Variants in SLC18A1 observed in about 807,000 individuals in gnomAD.
SLC18A1 encodes the protein chromaffin granule amine transporter.
SLC18A1 carries 69 observed loss-of-function variants against 53.7 expected under a neutral mutation model. The observed-to-expected ratio is 1.28, with a 90% CI of 1.06 to 1.57. The LOEUF is 1.57. SLC18A1 is among the 40% of genes most tolerant of loss of function. SLC18A1 has a pLI of 0.00. For synonymous variants in SLC18A1, 320 were observed against 248.1 expected (o/e 1.29, Z -2.72); for missense variants, 932 against 668.1 (o/e 1.40, Z -4.35).
chr8:20,162,140 C>T (rs999494649), intron 10 of SLC18A1, among the ~76,000 whole-genome samples: 4 of 152,186 alleles, frequency 2.6e-5, no homozygotes, highest in African/African-American at 4.8e-5. Flanking sequence ...TGCACTGAAA[C>T]GCAGAGAGCA....
At chr8:20,151,902 T>G (rs982258837) in intron 10 of SLC18A1, among the ~76,000 whole-genome samples, 2 of 152,166 alleles carry the variant, frequency 1.3e-5, no homozygotes, top group Non-Finnish European at 2.9e-5. Flanking sequence ...ATTCTAGCCC[T>G]CAGCTAGCTT....
intron 12 of SLC18A1, chr8:20,148,476 G>C: frequency 1.6e-6 from 2 of 1,289,148 alleles, no homozygotes; most frequent in Non-Finnish European, 2.0e-6. Flanking sequence ...TTCCATTATG[G>C]ACATCACTGA....
chr8:20,165,068 G>A lies in SLC18A1; in HGVS notation c.898C>T (p.Pro300Ser), dbSNP rs2071922968. 2 of 1,614,122 alleles carry A rather than the reference G, an allele frequency of 1.2e-6. No individual in the cohort carries two copies. The highest frequency in any genetic ancestry group is 1.3e-5 in the African/African-American group (1 of 75,016). Residue 300 changes from proline (P) to serine (S), a missense_variant, in exon 9 of 16, where the codon CCT becomes TCT. Transcript: ENST00000276373. ...GTPLFMLLKDPYILVAAGSIC... is the reference protein window; with the variant it reads ...GTPLFMLLKDSYILVAAGSIC... ...TTACCTGCAGCCACCAGGATGTAAG[G>A]GTCTTTGAGAAGCATAAAGAGGGGA...
At chr8:20,151,582 G>A (rs2071555364) in intron 10 of SLC18A1, among the ~76,000 whole-genome samples, 1 of 152,122 alleles carries the variant, frequency 6.6e-6, no homozygotes, top group Non-Finnish European at 1.5e-5. Flanking sequence ...ATCATACCGG[G>A]TTACAATGTG....
chr8:20,160,255 T>A (rs373823426), intron 10 of SLC18A1, among the ~76,000 whole-genome samples: 1 of 148,304 alleles, frequency 6.7e-6, no homozygotes, highest in Non-Finnish European at 1.5e-5. Context: ...ATTGTTTATC[T>A]AGTATGTGGA....
intron 11 of SLC18A1, 81 bp downstream of exon 11, chr8:20,150,585 T>C (rs1322508913): frequency 1.7e-6 from 2 of 1,197,166 alleles, no homozygotes; most frequent in Non-Finnish European, 2.5e-6. Flanking sequence ...GTATGGAAGC[T>C]GTTCATCATT....
At chr8:20,171,216 A>C in intron 7 of SLC18A1, 70 bp from the exon 8 acceptor site, 1 of 1,502,954 alleles carries the variant, frequency 6.7e-7, no homozygotes. Context: ...TAACAGCTGT[A>C]GTGCTACCAC....
chr8:20,172,586 C>A (rs759512078), intron 6 of SLC18A1, among the ~76,000 whole-genome samples: 1 of 152,152 alleles, frequency 6.6e-6, no homozygotes, highest in South Asian at 2.1e-4. Context: ...GAGTCTGTAT[C>A]CTGGCTGTGG....
rs184387596 is a variant in SLC18A1, at chr8:20,146,265, A to C, written c.1465-389T>G. Among the ~76,000 whole-genome samples, 7 of 152,126 alleles carry C rather than the reference A, an allele frequency of 4.6e-5. No homozygotes were observed. In the East Asian group the frequency reaches 1.4e-3, roughly 30 times the overall value. ...AATCTCCTCATTCCGTCCTCCCACT[A>C]GTTCTTCCAAGGCTGGCATTGCTAA... is the stretch of plus-strand genomic sequence containing the variant. On this transcript the variant is annotated intron_variant, in intron 15 of 15. Transcript: ENST00000276373.
intron 4 of SLC18A1, among the ~76,000 whole-genome samples, chr8:20,174,782 C>A (rs1480080714): frequency 3.3e-5 from 5 of 152,178 alleles, no homozygotes; most frequent in Non-Finnish European, 7.3e-5. Context: ...AGGCTGGAAA[C>A]TGGTTCTTAG....
intron 8 of SLC18A1, 126 bp downstream of exon 8, chr8:20,170,977 A>T (rs980735993): frequency 2.5e-5 from 22 of 877,534 alleles, no homozygotes; most frequent in Non-Finnish European, 3.5e-5. Flanking sequence ...GAATCCAAAC[A>T]CAGTTCTCAC....
intron 8 of SLC18A1, among the ~76,000 whole-genome samples, chr8:20,166,061 A>G (rs1321847650): frequency 6.6e-6 from 1 of 152,120 alleles, no homozygotes; most frequent in East Asian, 1.9e-4. Context: ...GATGTAAATC[A>G]TTAAAATATA....
At chr8:20,157,591 G>A (rs2071715126) in intron 10 of SLC18A1, among the ~76,000 whole-genome samples, 1 of 152,196 alleles carries the variant, frequency 6.6e-6, no homozygotes, top group Non-Finnish European at 1.5e-5. Flanking sequence ...GAGACACTAA[G>A]GGAGGCATTG....
Position 20,145,738 on chromosome 8 carries a change from T to C in SLC18A1, c.*25A>G. On this transcript the variant is annotated 3_prime_UTR_variant, in exon 16 of 16. Coordinates refer to ENST00000276373, the MANE Select transcript of SLC18A1 (RefSeq NM_003053.4). The stretch of plus-strand genomic sequence containing the variant: ...GAAAGAGGTGGTCACTGAGGCATCA[T>C]GAATTCAAGGAGCACCTTCTGCTGC... The C allele has an allele frequency of 6.7e-7, 1 of 1,491,650 alleles. No individual in the cohort carries two copies. Among genetic ancestry groups the C allele is most frequent in the Non-Finnish European group, 9.3e-7 (1 of 1,076,658 alleles). The allele number at this position is 1,491,650 out of a possible 1,614,324, so 92.4% of individuals were successfully genotyped here.
chr8:20,158,421 A>G (rs1330847755), intron 10 of SLC18A1, among the ~76,000 whole-genome samples: 5 of 152,192 alleles, frequency 3.3e-5, no homozygotes, highest in Admixed American at 2.0e-4. Flanking sequence ...TACAGAAGGA[A>G]CACCTGTTTG....
In SLC18A1 at chr8:20,179,428, G is replaced by A. The variant is rs1181284522; in HGVS notation, c.181C>T (p.Leu61=). The change falls in exon 3 of 16, where the codon CTG becomes TTG. Residue 61 remains leucine (L), a synonymous_variant. Coordinates refer to ENST00000276373, the MANE Select transcript of SLC18A1 (RefSeq NM_003053.4). The part of the protein sequence containing the change: ...DMEFKEVNSS[L]HLGHAGSSPH... ...GAACTTCCGGCATGGCCGAGGTGCA[G>A]AGAAGAGTTGACTTCTTTGAACTCC... 3.7e-6 allele frequency: 6 copies of A among 1,613,864 alleles called. No homozygotes were observed. In the Admixed American group the frequency reaches 5.0e-5, roughly 13 times the overall value.
At chr8:20,152,663 G>A (rs2071587418) in intron 10 of SLC18A1, among the ~76,000 whole-genome samples, 1 of 152,186 alleles carries the variant, frequency 6.6e-6, no homozygotes. Context: ...AGAGCTGTCA[G>A]GCAGTTAGAT....
chr8:20,180,912 G>T lies in SLC18A1; in HGVS notation c.53C>A (p.Ala18Glu), dbSNP rs148102118. ...APQRLLKEGRASRQLVLVVVF... is the reference protein window; with the variant it reads ...APQRLLKEGRESRQLVLVVVF... The stretch of plus-strand genomic sequence containing the variant: ...CACCACCAGCACCAGCTGCCGGGAC[G>T]CTCTCCCCTCCTTCAGCAACCGCTG... Residue 18 changes from alanine (A) to glutamate (E), a missense_variant, in exon 2 of 16, where the codon GCG becomes GAG. Ala to Glu is a moderately radical substitution (Grantham distance 107). Transcript: ENST00000276373. The T allele has an allele frequency of 2.5e-6, 4 of 1,610,760 alleles. No homozygotes were observed. The highest frequency in any genetic ancestry group is 1.7e-4 in the Middle Eastern group (1 of 6,056).
chr8:20,156,690 C>T (rs1179625354), intron 10 of SLC18A1, among the ~76,000 whole-genome samples: 1 of 152,170 alleles, frequency 6.6e-6, no homozygotes, highest in Non-Finnish European at 1.5e-5. Context: ...AAACAGGATC[C>T]ATCTCTCATA....
Sources: gnomAD v4.1 joint callset for allele counts (sites outside exome capture counted in the v4.1 genomes callset) on GRCh38, gnomAD v4.1.1 for gene constraint, MANE v1.5 for transcripts, NCBI Gene and HGNC (gene_info 2026-07-23, HGNC 2026-07-21) for gene names.